ATP6V1H: variants seen among roughly 807,000 people sequenced by gnomAD.
ATP6V1H encodes the protein ATPase H+ transporting V1 subunit H.
In ATP6V1H, 39 loss-of-function variants were observed where a neutral mutation model predicts 71.7. The observed-to-expected ratio is 0.54, with a 90% CI of 0.42 to 0.71. The LOEUF (loss-of-function observed/expected upper bound fraction) is 0.71, where lower values mean the gene tolerates loss of function less well. ATP6V1H is among the 30% of genes least tolerant of loss of function. The probability of loss-of-function intolerance (pLI) is 0.00; values close to 1 mark genes in which losing one functional copy is unlikely to be tolerated. For synonymous variants in ATP6V1H, 192 were observed against 199.3 expected, an observed-to-expected ratio of 0.96 and a Z score of 0.31; for missense variants, 509 against 594.9, an observed-to-expected ratio of 0.86 and a Z score of 1.50.
intron 9 of ATP6V1H, among the ~76,000 whole-genome samples, chr8:53,789,282 A>T (rs532646966): frequency 1.3e-5 from 2 of 152,228 alleles, no homozygotes; most frequent in Non-Finnish European, 2.9e-5. Context: ...AAGTGGGGAC[A>T]AAAAAGTAGG....
chr8:53,837,473 G>C (rs1242812061), intron 2 of ATP6V1H, among the ~76,000 whole-genome samples: 2 of 150,044 alleles, frequency 1.3e-5, no homozygotes, highest in Non-Finnish European at 2.9e-5. Context: ...ATGTTATAAT[G>C]CTAAGGCTGT....
chr8:53,786,859 G>A (rs543530162), intron 9 of ATP6V1H, among the ~76,000 whole-genome samples: 12 of 152,350 alleles, frequency 7.9e-5, no homozygotes, highest in East Asian at 7.7e-4. Flanking sequence ...AAACTGAACT[G>A]CTGGCCTTGT....
At chr8:53,829,364 A>C in intron 4 of ATP6V1H, 80 bp downstream of exon 4, 1 of 853,020 alleles carries the variant, frequency 1.2e-6, no homozygotes, top group Non-Finnish European at 1.9e-6. Context: ...TTCTAAGTGA[A>C]ATCTCACCAA....
At chr8:53,826,311 T>C (rs543363457) in intron 4 of ATP6V1H, among the ~76,000 whole-genome samples, 82 of 152,332 alleles carry the variant, frequency 5.4e-4, no homozygotes, top group African/African-American at 1.9e-3. Flanking sequence ...TACCATGAAA[T>C]ATACACCCAA....
chr8:53,806,304 A>ATT (rs1810076949), intron 7 of ATP6V1H, among the ~76,000 whole-genome samples: 1 of 152,110 alleles, frequency 6.6e-6, no homozygotes, highest in Non-Finnish European at 1.5e-5. Context: ...ACAAAACACT[A>ATT]AACAATTGTA....
chr8:53,739,819 A>G (rs931139737), intron 13 of ATP6V1H, among the ~76,000 whole-genome samples: 1 of 152,236 alleles, frequency 6.6e-6, no homozygotes, highest in African/African-American at 2.4e-5. Flanking sequence ...GCACAAAAAG[A>G]TAAGAGCTGC....
At position 53,756,572 on chromosome 8, in the gene ATP6V1H, A is replaced by G. The variant is rs369854492; in HGVS notation, c.1260T>C (p.His420=). 10 of 1,613,976 alleles carry G rather than the reference A, an allele frequency of 6.2e-6. No individual in the cohort carries two copies. The African/African-American group carries it at 1.2e-4, about 19-fold the overall frequency. ...TCTCTTACCGTTTGCCTCGTGGATA[A>G]TGCCGCACATATTCTCCAACATCGT... ...AAHDVGEYVR[H]YPRGKRVIEQ... is the part of the protein sequence containing the mutation. Residue 420 remains histidine (H), a synonymous_variant, in exon 12 of 14, where the codon CAT becomes CAC. Transcript: ENST00000359530.
At chr8:53,762,443 C>G (rs998895202) in intron 11 of ATP6V1H, among the ~76,000 whole-genome samples, 1 of 152,026 alleles carries the variant, frequency 6.6e-6, no homozygotes, top group Non-Finnish European at 1.5e-5. Context: ...CAATCCCAAT[C>G]GAAATACCCG....
intron 4 of ATP6V1H, among the ~76,000 whole-genome samples, chr8:53,828,256 G>A (rs1043668700): frequency 5.3e-5 from 8 of 152,098 alleles, no homozygotes; most frequent in South Asian, 2.1e-4. Context: ...TTTTAGGGTA[G>A]AACAAACAAG....
At chr8:53,817,296 G>C in intron 5 of ATP6V1H, 121 bp downstream of exon 5, 2 of 550,096 alleles carry the variant, frequency 3.6e-6, no homozygotes, top group South Asian at 5.1e-5. Flanking sequence ...CCAGCACTTT[G>C]GGAGGCCAAG....
At chr8:53,740,096 T>G (rs1175483647) in intron 13 of ATP6V1H, among the ~76,000 whole-genome samples, 2 of 152,168 alleles carry the variant, frequency 1.3e-5, no homozygotes, top group Non-Finnish European at 2.9e-5. Context: ...ATTATATAAC[T>G]CCATACTCCA....
At chr8:53,767,558 T>C (rs1270520610) in intron 11 of ATP6V1H, among the ~76,000 whole-genome samples, 2 of 152,276 alleles carry the variant, frequency 1.3e-5, no homozygotes, top group South Asian at 4.1e-4. Flanking sequence ...ATAAGAGTCA[T>C]ACTTCCTGTT....
intron 11 of ATP6V1H, among the ~76,000 whole-genome samples, chr8:53,757,974 GA>G (rs1362228918): frequency 6.6e-6 from 1 of 152,214 alleles, no homozygotes; most frequent in Non-Finnish European, 1.5e-5. Context: ...CTAGGCACCG[GA>G]AGAGACTATG....
intron 13 of ATP6V1H, among the ~76,000 whole-genome samples, chr8:53,729,369 A>G (rs892609826): frequency 1.3e-5 from 2 of 152,222 alleles, no homozygotes; most frequent in Admixed American, 1.3e-4. Flanking sequence ...AAGAGGCTAT[A>G]TGAAGCAGAT....
intron 9 of ATP6V1H, among the ~76,000 whole-genome samples, chr8:53,785,364 C>G (rs1809335479): frequency 6.6e-6 from 1 of 152,196 alleles, no homozygotes. Context: ...TCACATAGTT[C>G]TCGTGCCGTG....
At chr8:53,728,738 G>A (rs149470879) in intron 13 of ATP6V1H, among the ~76,000 whole-genome samples, 39 of 152,330 alleles carry the variant, frequency 2.6e-4, no homozygotes, top group African/African-American at 9.4e-4. Flanking sequence ...CATCACATGG[G>A]TCAGCTCCTG....
intron 13 of ATP6V1H, among the ~76,000 whole-genome samples, chr8:53,718,382 C>T (rs868349109): frequency 7.4e-6 from 1 of 135,068 alleles, no homozygotes; most frequent in African/African-American, 3.0e-5. Context: ...CTCTCCTACA[C>T]AATTTTTTTT....
At chr8:53,766,030 T>C (rs185742008) in intron 11 of ATP6V1H, among the ~76,000 whole-genome samples, 69 of 152,314 alleles carry the variant, frequency 4.5e-4, no homozygotes, top group East Asian at 1.7e-3. Context: ...GGGCAATTCA[T>C]TGGAGCAAAG....
chr8:53,778,777 A>C (rs2130351484), intron 9 of ATP6V1H, among the ~76,000 whole-genome samples: 1 of 152,344 alleles, frequency 6.6e-6, no homozygotes, highest in South Asian at 2.1e-4. Flanking sequence ...AGAGGCAGAA[A>C]TTATTTGAAT....
Sources: allele counts gnomAD v4.1 joint callset (sites outside exome capture counted in the v4.1 genomes callset), GRCh38; gene constraint gnomAD v4.1.1; transcripts MANE v1.5; gene names NCBI Gene and HGNC (gene_info 2026-07-23, HGNC 2026-07-21).